Variants in RTF1 observed in about 807,000 individuals in gnomAD.
The protein encoded by RTF1 is RNA polymerase-associated protein RTF1 homolog.
Under a neutral mutation model 95.7 loss-of-function variants are expected in RTF1, and 10 were observed. The observed-to-expected ratio is 0.10, with a 90% CI of 0.06 to 0.18. The LOEUF is 0.18. Among genes scored for constraint, RTF1 ranks in the 10% least tolerant of loss-of-function variants. The pLI is 1.00. For synonymous variants in RTF1, 305 were observed against 311.8 expected (o/e 0.98, Z 0.23); for missense variants, 458 against 875.6 (o/e 0.52, Z 6.02).
chr15:41,452,790 G>T, intron 2 of RTF1, 111 bp from the exon 3 acceptor site: 1 of 829,918 alleles, frequency 1.2e-6, no homozygotes, highest in Non-Finnish European at 1.7e-6. Context: ...AAGTGTATTT[G>T]TTTTGGATTC....
chr15:41,464,951 T>TGG (rs1382167214), intron 5 of RTF1, 66 bp downstream of exon 5: 16 of 1,461,448 alleles, frequency 1.1e-5, no homozygotes, highest in African/African-American at 1.4e-5. Flanking sequence ...TGTGTGTGTG[T>TGG]GTGTGTGTGT....
Position 41,430,222 on chromosome 15 carries a change from G to A in RTF1, c.199-8099G>A, listed in dbSNP as rs1475782656. Among the ~76,000 whole-genome samples the A allele has an allele frequency of 2.0e-5, 3 of 147,094 alleles. 1 individual carries two copies. The East Asian group carries it at 6.2e-4, about 30-fold the overall frequency. On this transcript the variant is annotated intron_variant, in intron 1 of 17. Transcript: ENST00000389629. ...GAGACAGAGTCTCGCTGCCCCCTAG[G>A]CTGGAGTGCAGTGGCGCGATCTCGG...
Position 41,449,700 on chromosome 15 carries a change from G to GTGTT in RTF1, c.310-3199_310-3196dup, listed in dbSNP as rs780562077. Among the ~76,000 whole-genome samples the GTGTT allele has an allele frequency of 1.3e-4, 20 of 151,626 alleles. No individual in the cohort carries two copies. In the East Asian group the frequency reaches 3.1e-3, roughly 24 times the overall value. ...TACTTTTCTGGTTGTGCACTGTGGT[G>GTGTT]TGTTTCTCTAGTAATAGCTACTCAG... On this transcript the variant is annotated intron_variant, in intron 2 of 17. Coordinates refer to ENST00000389629, the MANE Select transcript of RTF1 (RefSeq NM_015138.5).
intron 2 of RTF1, 37 bp from the exon 3 acceptor site, chr15:41,452,864 T>C (rs1394438295): frequency 6.8e-7 from 1 of 1,473,214 alleles, no homozygotes; most frequent in Admixed American, 2.5e-5. Flanking sequence ...AAGTCCCTAT[T>C]CCTATTTCAG....
intron 2 of RTF1, 84 bp from the exon 3 acceptor site, chr15:41,452,817 G>A: frequency 1.0e-6 from 1 of 957,004 alleles, no homozygotes; most frequent in Admixed American, 3.4e-5. Context: ...GAATGCCAGA[G>A]ACTCTTAACT....
At chr15:41,424,558 T>C (rs894507380) in intron 1 of RTF1, among the ~76,000 whole-genome samples, 1 of 152,202 alleles carries the variant, frequency 6.6e-6, no homozygotes, top group African/African-American at 2.4e-5. Context: ...GTTTACGGAC[T>C]ACACTCAGCA....
chr15:41,468,527 C>T (rs994597585), intron 6 of RTF1, among the ~76,000 whole-genome samples: 3 of 152,060 alleles, frequency 2.0e-5, no homozygotes, highest in South Asian at 4.2e-4. Flanking sequence ...CCATGTTAGC[C>T]AGGATGGTCT....
intron 4 of RTF1, among the ~76,000 whole-genome samples, chr15:41,460,717 A>C (rs901610862): frequency 2.0e-4 from 31 of 151,668 alleles, no homozygotes; most frequent in Admixed American, 1.8e-3. Flanking sequence ...TTTTTTAGAC[A>C]GAGTCTGGCT....
At chr15:41,443,149 A>G (rs1211286939) in intron 2 of RTF1, among the ~76,000 whole-genome samples, 1 of 152,202 alleles carries the variant, frequency 6.6e-6, no homozygotes. Flanking sequence ...ATTTTAGAGC[A>G]AAAAGATATT....
At chr15:41,421,298 A>G (rs981666103) in intron 1 of RTF1, among the ~76,000 whole-genome samples, 1 of 152,044 alleles carries the variant, frequency 6.6e-6, no homozygotes, top group Admixed American at 6.6e-5. Context: ...CTCTACTAAA[A>G]ATACAAAATT....
intron 1 of RTF1, among the ~76,000 whole-genome samples, chr15:41,422,144 C>T (rs1288676138): frequency 6.6e-6 from 1 of 152,138 alleles, no homozygotes; most frequent in African/African-American, 2.4e-5. Context: ...AAGCAATTCT[C>T]CTGCCTCAGC....
chr15:41,426,789 G>A (rs1216410256), intron 1 of RTF1, among the ~76,000 whole-genome samples: 1 of 124,836 alleles, frequency 8.0e-6, no homozygotes, highest in African/African-American at 3.1e-5. Context: ...ATATGTGTGT[G>A]TGTGTGTGTG....
At chr15:41,461,032 T>C (rs1329423228) in intron 4 of RTF1, among the ~76,000 whole-genome samples, 1 of 150,656 alleles carries the variant, frequency 6.6e-6, no homozygotes, top group Non-Finnish European at 1.5e-5. Flanking sequence ...TGCGCCACTA[T>C]GTCAAGCTAA....
intron 3 of RTF1, among the ~76,000 whole-genome samples, chr15:41,455,785 A>T (rs2050811173): frequency 6.6e-6 from 1 of 152,138 alleles, no homozygotes; most frequent in Admixed American, 6.6e-5. Context: ...TCCAAAAAAA[A>T]AAAAAAGAAT....
intron 2 of RTF1, among the ~76,000 whole-genome samples, chr15:41,451,950 C>CTAAG (rs2050791163): frequency 6.6e-6 from 1 of 151,812 alleles, no homozygotes; most frequent in Admixed American, 6.6e-5. Context: ...GTAGTTCCAG[C>CTAAG]TACTTAGGAG....
chr15:41,441,145 G>A (rs755069429), intron 2 of RTF1, among the ~76,000 whole-genome samples: 3 of 151,426 alleles, frequency 2.0e-5, no homozygotes, highest in African/African-American at 7.3e-5. Context: ...CTAATTTTTT[G>A]TATTTTTAGT....
At chr15:41,479,242 G>T (rs889828619) in intron 16 of RTF1, 44 bp downstream of exon 16, 1 of 1,356,982 alleles carries the variant, frequency 7.4e-7, no homozygotes, top group Admixed American at 1.7e-5. Flanking sequence ...GAGGCTGCTG[G>T]CTGAGATACC....
intron 8 of RTF1, among the ~76,000 whole-genome samples, chr15:41,472,771 G>A (rs1051153605): frequency 2.6e-5 from 4 of 151,086 alleles, no homozygotes; most frequent in East Asian, 2.0e-4. Context: ...GCACGATCTC[G>A]GCTCACTGCA....
chr15:41,429,119 G>T (rs1409724286), intron 1 of RTF1, among the ~76,000 whole-genome samples: 1 of 151,802 alleles, frequency 6.6e-6, no homozygotes, highest in Non-Finnish European at 1.5e-5. Flanking sequence ...GGGCTCAAGG[G>T]ATCCTTCCTC....
Sources: allele counts gnomAD v4.1 joint callset (sites outside exome capture counted in the v4.1 genomes callset), GRCh38; gene constraint gnomAD v4.1.1; transcripts MANE v1.5; gene names NCBI Gene and HGNC (gene_info 2026-07-23, HGNC 2026-07-21).